The following MARCHF11 variants were observed in gnomAD, a reference collection of about 807,000 sequenced individuals.
The protein encoded by MARCHF11 is E3 ubiquitin-protein ligase MARCHF11.
In MARCHF11, 29 loss-of-function variants were observed where a neutral mutation model predicts 37.3. That is an observed-to-expected ratio of 0.78 (90% CI 0.58 to 1.06). MARCHF11 has a LOEUF of 1.06. Ranked by LOEUF, MARCHF11 falls within the 50% of genes least tolerant of loss-of-function variation. The probability of loss-of-function intolerance (pLI) is 0.00; values close to 1 mark genes in which losing one functional copy is unlikely to be tolerated. For synonymous variants in MARCHF11, 233 were observed against 228.0 expected (o/e 1.02, Z -0.20); for missense variants, 482 against 533.4 (o/e 0.90, Z 0.95).
chr5:16,100,256 C>T (rs1386800978), intron 2 of MARCHF11, among the ~76,000 whole-genome samples: 1 of 152,104 alleles, frequency 6.6e-6, no homozygotes, highest in Non-Finnish European at 1.5e-5. Context: ...CCACCTTCCT[C>T]GGGGTACAGG....
At chr5:16,085,834 G>T (rs1247117082) in intron 3 of MARCHF11, among the ~76,000 whole-genome samples, 1 of 150,054 alleles carries the variant, frequency 6.7e-6, no homozygotes, top group East Asian at 2.0e-4. Context: ...CAGCTACTCA[G>T]GAGGCTGAGG....
intron 2 of MARCHF11, among the ~76,000 whole-genome samples, chr5:16,110,018 A>G (rs1737109941): frequency 6.6e-6 from 1 of 152,146 alleles, no homozygotes; most frequent in Admixed American, 6.5e-5. Flanking sequence ...AATTGTTAAG[A>G]GGGTCAAGTT....
At chr5:16,094,282 A>G (rs1266980160) in intron 2 of MARCHF11, among the ~76,000 whole-genome samples, 2 of 152,190 alleles carry the variant, frequency 1.3e-5, no homozygotes, top group East Asian at 1.9e-4. Context: ...GAGGGTGTGC[A>G]TTATCTAATG....
intron 2 of MARCHF11, among the ~76,000 whole-genome samples, chr5:16,096,664 C>T (rs563332474): frequency 5.9e-5 from 9 of 152,210 alleles, no homozygotes; most frequent in East Asian, 5.8e-4. Flanking sequence ...CTGCCTTCAG[C>T]GAATAAAGGA....
intron 2 of MARCHF11, among the ~76,000 whole-genome samples, chr5:16,160,383 T>C (rs1407047363): frequency 6.9e-6 from 1 of 145,560 alleles, no homozygotes; most frequent in Non-Finnish European, 1.5e-5. Context: ...TTAAATATAA[T>C]AATATAATAT....
At chr5:16,111,034 C>A (rs1418268054) in intron 2 of MARCHF11, among the ~76,000 whole-genome samples, 1 of 152,188 alleles carries the variant, frequency 6.6e-6, no homozygotes, top group Non-Finnish European at 1.5e-5. Context: ...CAACATAAGA[C>A]CTGCCTTTCA....
intron 2 of MARCHF11, among the ~76,000 whole-genome samples, chr5:16,167,338 T>C (rs1009937724): frequency 1.3e-5 from 2 of 152,118 alleles, no homozygotes; most frequent in African/African-American, 4.8e-5. Context: ...AGCACAGATC[T>C]GAAAGCCTAC....
chr5:16,175,799 C>T (rs1228008382), intron 2 of MARCHF11, among the ~76,000 whole-genome samples: 1 of 152,184 alleles, frequency 6.6e-6, no homozygotes, highest in East Asian at 1.9e-4. Context: ...ATGTTCTGAG[C>T]TATCATCATC....
At chr5:16,164,031 A>G (rs1179327353) in intron 2 of MARCHF11, among the ~76,000 whole-genome samples, 1 of 152,074 alleles carries the variant, frequency 6.6e-6, no homozygotes, top group Admixed American at 6.6e-5. Flanking sequence ...CCCTCACCAG[A>G]CACCAAACCT....
At chr5:16,126,402 A>T (rs1396568885) in intron 2 of MARCHF11, among the ~76,000 whole-genome samples, 7 of 152,224 alleles carry the variant, frequency 4.6e-5, no homozygotes, top group African/African-American at 1.4e-4. Flanking sequence ...TGGCAGATAA[A>T]CTAATTTTTA....
intron 2 of MARCHF11, among the ~76,000 whole-genome samples, chr5:16,091,928 T>C (rs1030073309): frequency 1.3e-5 from 2 of 152,342 alleles, no homozygotes; most frequent in South Asian, 2.1e-4. Flanking sequence ...AGAATTGTTA[T>C]TAAGGTTTGC....
At chr5:16,166,510 A>C (rs1458416347) in intron 2 of MARCHF11, among the ~76,000 whole-genome samples, 1 of 151,964 alleles carries the variant, frequency 6.6e-6, no homozygotes, top group Non-Finnish European at 1.5e-5. Context: ...CTGAGTTTAT[A>C]TAAACTATAT....
intron 2 of MARCHF11, among the ~76,000 whole-genome samples, chr5:16,154,659 G>T (rs532785999): frequency 6.6e-6 from 1 of 151,904 alleles, no homozygotes; most frequent in Admixed American, 6.6e-5. Flanking sequence ...ATTAATGTCT[G>T]ATTTCAATCA....
At chr5:16,140,152 G>A (rs781533988) in intron 2 of MARCHF11, among the ~76,000 whole-genome samples, 31 of 152,080 alleles carry the variant, frequency 2.0e-4, no homozygotes, top group Non-Finnish European at 3.2e-4. Context: ...TCTGTATACA[G>A]CCATAATGGG....
At chr5:16,136,039 C>T (rs969056701) in intron 2 of MARCHF11, among the ~76,000 whole-genome samples, 6 of 151,994 alleles carry the variant, frequency 3.9e-5, no homozygotes, top group African/African-American at 1.4e-4. Flanking sequence ...AGGCTTGATT[C>T]CTAGCCATTC....
chr5:16,072,172 A>G (rs973818161), intron 3 of MARCHF11, among the ~76,000 whole-genome samples: 6 of 152,198 alleles, frequency 3.9e-5, no homozygotes, highest in African/African-American at 9.7e-5. Flanking sequence ...GCTGTCCAAC[A>G]TCATGAAGAC....
chr5:16,157,872 A>G (rs1376513506), intron 2 of MARCHF11, among the ~76,000 whole-genome samples: 1 of 151,998 alleles, frequency 6.6e-6, no homozygotes, highest in Non-Finnish European at 1.5e-5. Flanking sequence ...CAGCAAAGTA[A>G]ACAACCAACA....
At chr5:16,168,783 A>G (rs1738210888) in intron 2 of MARCHF11, among the ~76,000 whole-genome samples, 1 of 152,132 alleles carries the variant, frequency 6.6e-6, no homozygotes, top group Non-Finnish European at 1.5e-5. Flanking sequence ...GATAAGACAG[A>G]TATTTACTGA....
Position 16,125,617 on chromosome 5 carries a change from CTCTGTGTGTGTG to C in MARCHF11, c.694-34548_694-34537del, listed in dbSNP as rs1169016169. On this transcript the variant is annotated intron_variant, in intron 2 of 3. Transcript: ENST00000332432. ...CTCAGCTGGTGCACCCTGGCACACT[CTCTGTGTGTGTG>C]TGTGTGTGTGTGTGTGTGTGTGTGT... is the stretch of plus-strand genomic sequence containing the variant. Among the ~76,000 whole-genome samples, 46 of 117,026 alleles carry C rather than the reference CTCTGTGTGTGTG, an allele frequency of 3.9e-4. No individual in the cohort carries two copies. In the South Asian group the frequency reaches 5.7e-3, roughly 14 times the overall value. The allele number at this position is 117,026 out of a possible 152,430, so 76.8% of individuals were successfully genotyped here.
Sources: allele counts gnomAD v4.1 joint callset (sites outside exome capture counted in the v4.1 genomes callset), GRCh38; gene constraint gnomAD v4.1.1; transcripts MANE v1.5; gene names NCBI Gene and HGNC (gene_info 2026-07-23, HGNC 2026-07-21).